The following FAM118B variants were observed in gnomAD, a reference collection of about 807,000 sequenced individuals.
FAM118B encodes the protein protein FAM118B.
A neutral mutation model predicts 38.5 loss-of-function variants in FAM118B; 24 were observed. The observed-to-expected ratio is 0.62, with a 90% CI of 0.45 to 0.88. The LOEUF is 0.88. Among genes scored for constraint, FAM118B ranks in the 40% least tolerant of loss-of-function variants. The pLI, the probability that FAM118B is intolerant of heterozygous loss-of-function variation, is 0.00. For missense variants in FAM118B, 334 were observed against 420.0 expected, an observed-to-expected ratio of 0.80 and a Z score of 1.79; for synonymous variants, 138 against 156.3, an observed-to-expected ratio of 0.88 and a Z score of 0.87.
chr11:126,233,251 G>A (rs1477236631), intron 2 of FAM118B, among the ~76,000 whole-genome samples: 7 of 151,890 alleles, frequency 4.6e-5, no homozygotes, highest in Non-Finnish European at 1.0e-4. Flanking sequence ...TGAGGCGGGC[G>A]GATCACCTGA....
rs10623520 is a variant in FAM118B, at chr11:126,261,155, GAAATGTA to G, written c.983-249_983-243del. 55 of 365,110 alleles carry G rather than the reference GAAATGTA, an allele frequency of 1.5e-4. 1 individual carries two copies. Among genetic ancestry groups the G allele is most frequent in the African/African-American group, 2.0e-4 (10 of 48,878 alleles). The allele number at this position is 365,110 out of a possible 1,614,324, so 22.6% of individuals were successfully genotyped here. ...CAGCAGACACATGTTGCCTGTATGT[GAAATGTA>G]AAATGTAAAATGTAAAATGTTTTGT... On this transcript the variant is annotated intron_variant, in intron 7 of 8. Coordinates refer to ENST00000533050, the MANE Select transcript of FAM118B (RefSeq NM_024556.4).
intron 2 of FAM118B, 44 bp from the exon 3 acceptor site, chr11:126,234,951 C>T: frequency 6.8e-7 from 1 of 1,461,646 alleles, no homozygotes; most frequent in South Asian, 1.2e-5. Context: ...GAATAGTATA[C>T]TTTACAGATC....
At chr11:126,233,655 T>C (rs1389772116) in intron 2 of FAM118B, 6 of 445,124 alleles carry the variant, frequency 1.3e-5, no homozygotes, top group Non-Finnish European at 2.7e-5. Context: ...ACTGTGACTG[T>C]ATTATTTCTA....
intron 6 of FAM118B, 54 bp downstream of exon 6, chr11:126,254,487 T>G: frequency 1.2e-6 from 2 of 1,603,878 alleles, no homozygotes; most frequent in Non-Finnish European, 1.7e-6. Context: ...GAAATCTCTC[T>G]AAATATGCCA....
chr11:126,254,581 C>A, intron 6 of FAM118B, 148 bp downstream of exon 6: 1 of 1,114,542 alleles, frequency 9.0e-7, no homozygotes, highest in African/African-American at 1.6e-5. Context: ...GCCTATAATC[C>A]CAACACTTTG....
At chr11:126,251,127 A>G (rs1332053240) in intron 5 of FAM118B, among the ~76,000 whole-genome samples, 1 of 152,198 alleles carries the variant, frequency 6.6e-6, no homozygotes, top group Non-Finnish European at 1.5e-5. Flanking sequence ...ACTGATTGGA[A>G]GAACAACTTC....
intron 1 of FAM118B, 24 bp downstream of exon 1, chr11:126,211,854 T>C: frequency 3.6e-6 from 2 of 560,574 alleles, no homozygotes; most frequent in Non-Finnish European, 6.3e-6. Context: ...GAAGCCGGGC[T>C]GGGGCTGGGA....
intron 2 of FAM118B, among the ~76,000 whole-genome samples, chr11:126,230,904 T>G (rs569637990): frequency 6.6e-6 from 1 of 152,364 alleles, no homozygotes; most frequent in Non-Finnish European, 1.5e-5. Flanking sequence ...AGTCCTCTGC[T>G]GTGTGCAAAC....
chr11:126,248,885 A>G (rs1016138534), intron 4 of FAM118B, among the ~76,000 whole-genome samples: 3 of 152,202 alleles, frequency 2.0e-5, no homozygotes, highest in Non-Finnish European at 4.4e-5. Context: ...CAGGCTAGGG[A>G]TCAGATATTA....
Position 126,211,790 on chromosome 11 carries a change from C to A in FAM118B, c.-117C>A, listed in dbSNP as rs1485217598. ...GCGCGCTCAGTGCGGCTGCGCCGGC[C>A]GGTAGCTGCAGCTGGAGCAGTGGCG... On this transcript the variant is annotated 5_prime_UTR_variant, in exon 1 of 9. Transcript: ENST00000533050. The A allele has an allele frequency of 3.7e-5, 29 of 794,500 alleles. No homozygotes were observed. Among genetic ancestry groups the A allele is most frequent in the Non-Finnish European group, 2.0e-6 (1 of 508,600 alleles). The allele number at this position is 794,500 out of a possible 1,614,324, so 49.2% of individuals were successfully genotyped here.
At chr11:126,214,524 T>TTTTTTTTTTTTTTTTTTTTTC (rs1949953950) in intron 1 of FAM118B, 1 of 137,216 alleles carries the variant, frequency 7.3e-6, no homozygotes, top group Non-Finnish European at 1.6e-5. Flanking sequence ...GTTTTTTTTT[T>TTTTTTTTTTTTTTTTTTTTTC]TTTACCTCTA....
At chr11:126,232,521 A>T (rs185008300) in intron 2 of FAM118B, among the ~76,000 whole-genome samples, 5 of 152,290 alleles carry the variant, frequency 3.3e-5, no homozygotes, top group African/African-American at 1.2e-4. Context: ...CTTAATAAGC[A>T]TGAACTTCCC....
At chr11:126,230,559 A>G (rs1292654288) in intron 2 of FAM118B, among the ~76,000 whole-genome samples, 1 of 152,254 alleles carries the variant, frequency 6.6e-6, no homozygotes, top group Non-Finnish European at 1.5e-5. Flanking sequence ...TTACAGCAAG[A>G]AACGTACCAC....
chr11:126,245,765 G>A (rs1023745735), intron 4 of FAM118B, among the ~76,000 whole-genome samples: 4 of 152,126 alleles, frequency 2.6e-5, no homozygotes, highest in Non-Finnish European at 5.9e-5. Flanking sequence ...GGGTGGCCAA[G>A]GCAGGCGGAT....
Position 126,256,848 on chromosome 11 carries a change from A to G in FAM118B, c.978A>G (p.Thr326=), listed in dbSNP as rs140377410. The change falls in exon 7 of 9, where the codon ACA becomes ACG. Residue 326 remains threonine, a synonymous_variant. Transcript: ENST00000533050. The surrounding 1 kb of genome is among the most constrained non-coding windows in gnomAD (Gnocchi z 6.6). ...RLTCEISTRG[T]SAGMVREGQL... ...CATGTGAGATCTCCACAAGGGGTAC[A>G]TCAGGTAAGATGCATTTTGAAGCTG... 1 of 1,609,438 alleles carries G rather than the reference A, an allele frequency of 6.2e-7. No individual in the cohort carries two copies. The highest frequency in any genetic ancestry group is 8.5e-7 in the Non-Finnish European group (1 of 1,177,266).
At position 126,250,615 on chromosome 11, in the gene FAM118B, T is replaced by C; in HGVS notation, c.449T>C (p.Leu150Pro). The change falls in exon 5 of 9, where the codon CTC becomes CCC. Residue 150 changes from leucine (L) to proline (P), a missense_variant. By Grantham distance (98) the Leu-to-Pro change is moderately conservative. Coordinates refer to ENST00000533050, the MANE Select transcript of FAM118B (RefSeq NM_024556.4). This position sits in a 1 kb window ranked among gnomAD's most constrained non-coding sequence, Gnocchi z 5.1. ...GGAAAACAGCTACTTCAGTCAGTTC[T>C]CCACCTGATGGAAAATGGAGCCCTC... ...DSGKQLLQSVLHLMENGALVL... is the reference protein window; with the variant it reads ...DSGKQLLQSVPHLMENGALVL... The C allele has an allele frequency of 6.2e-7, 1 of 1,614,066 alleles. No individual in the cohort carries two copies. The highest frequency in any genetic ancestry group is 8.5e-7 in the Non-Finnish European group (1 of 1,179,886).
Position 126,253,306 on chromosome 11 carries a change from C to T in FAM118B, c.568-999C>T, listed in dbSNP as rs144681937. ...TGGTAGTCAGAATGGGGCCTAGTAA[C>T]ATTCAAATTCTAAATCTCGGTGCCT... On this transcript the variant is annotated intron_variant, in intron 5 of 8. Transcript: ENST00000533050. This position sits in a 1 kb window ranked among gnomAD's most constrained non-coding sequence, Gnocchi z 5.1. Among the ~76,000 whole-genome samples, 638 of 152,256 alleles carry T rather than the reference C, an allele frequency of 4.2e-3. 6 individuals carry two copies. The highest frequency in any genetic ancestry group is 0.015 in the African/African-American group (605 of 41,526).
intron 1 of FAM118B, among the ~76,000 whole-genome samples, chr11:126,215,885 T>C (rs1949972198): frequency 6.6e-6 from 1 of 151,974 alleles, no homozygotes; most frequent in South Asian, 2.1e-4. Flanking sequence ...GACGCACCTA[T>C]GGTCCTAACT....
rs1056153441 is a variant in FAM118B, at chr11:126,261,618, T to C, written c.1042+134T>C. ...TAAAAAACACTGTAGAGAATGATTTTCCTCTCCTACCCATTAAGGATTCTA... is the reference window on the plus strand; with the variant it reads ...TAAAAAACACTGTAGAGAATGATTTCCCTCTCCTACCCATTAAGGATTCTA... On this transcript the variant is annotated intron_variant, in intron 8 of 8. Transcript: ENST00000533050. The C allele has an allele frequency of 3.6e-5, 24 of 664,682 alleles. No homozygotes were observed. In the African/African-American group the frequency reaches 4.0e-4, roughly 11 times the overall value. The allele number at this position is 664,682 out of a possible 1,614,324, so 41.2% of individuals were successfully genotyped here. A position where few individuals can be genotyped will look rare whatever the true frequency, so the allele number is the denominator to read the frequency against.
Sources: gnomAD v4.1 joint callset for allele counts (sites outside exome capture counted in the v4.1 genomes callset) on GRCh38, gnomAD v4.1.1 for gene constraint, Gnocchi (gnomAD v3.1) non-coding constraint, MANE v1.5 for transcripts, NCBI Gene and HGNC (gene_info 2026-07-23, HGNC 2026-07-21) for gene names.